The following TGFBR3 variants were observed in gnomAD, a reference collection of about 807,000 sequenced individuals.
TGFBR3 encodes the protein transforming growth factor beta receptor 3.
Under a neutral mutation model 87.9 loss-of-function variants are expected in TGFBR3, and 46 were observed. The ratio of observed to expected loss-of-function variants is 0.52; its 90% confidence interval spans 0.41 to 0.67. The LOEUF is 0.67. TGFBR3 is among the 30% of genes least tolerant of loss of function. The pLI is 0.00. For synonymous variants in TGFBR3, 381 were observed against 391.6 expected (o/e 0.97, Z 0.32); for missense variants, 866 against 1,041.9 (o/e 0.83, Z 2.32).
intron 1 of TGFBR3, among the ~76,000 whole-genome samples, chr1:91,885,272 G>T (rs1422118720): frequency 2.0e-5 from 3 of 150,672 alleles, no homozygotes; most frequent in African/African-American, 7.3e-5. Context: ...GATCAAGTCT[G>T]CAAGCAGATT....
chr1:91,692,790 T>C (rs1671310036), intron 16 of TGFBR3, among the ~76,000 whole-genome samples: 1 of 152,194 alleles, frequency 6.6e-6, no homozygotes, highest in African/African-American at 2.4e-5. Flanking sequence ...CTTTGTAGAG[T>C]AACACACATT....
chr1:91,725,744 T>C (rs1200455344), intron 7 of TGFBR3, among the ~76,000 whole-genome samples: 1 of 152,202 alleles, frequency 6.6e-6, no homozygotes, highest in African/African-American at 2.4e-5. Flanking sequence ...CAACATCTAC[T>C]AGGAGTAGTA....
In TGFBR3 at chr1:91,897,454, G is replaced by A. The variant is rs529377148; in HGVS notation, c.-114+2183C>T. Among the ~76,000 whole-genome samples, 15 of 152,264 alleles carry A rather than the reference G, an allele frequency of 9.9e-5. No homozygotes were observed. In the East Asian group the frequency reaches 2.9e-3, roughly 29 times the overall value. ...CAAGGCCTTTGTGTGGCACAGTTCT[G>A]GTGACAGCATATTTTCATTGTATAT... On this transcript the variant is annotated intron_variant, in intron 2 of 17. Transcript: ENST00000370399.
At chr1:91,752,871 T>G (rs559190575) in intron 4 of TGFBR3, among the ~76,000 whole-genome samples, 1 of 146,180 alleles carries the variant, frequency 6.8e-6, no homozygotes, top group Non-Finnish European at 1.5e-5. Flanking sequence ...AAAAAAAAAG[T>G]CAAAAATTAG....
chr1:91,733,662 T>C (rs1672852481), intron 5 of TGFBR3, among the ~76,000 whole-genome samples: 1 of 152,190 alleles, frequency 6.6e-6, no homozygotes, highest in Non-Finnish European at 1.5e-5. Flanking sequence ...CAGCCAGCTA[T>C]AACAAGGACC....
chr1:91,821,570 C>T (rs547907599), intron 2 of TGFBR3, among the ~76,000 whole-genome samples: 2 of 152,192 alleles, frequency 1.3e-5, no homozygotes, highest in Non-Finnish European at 2.9e-5. Context: ...AAGGAACAAT[C>T]TCAGTGTCTC....
rs11466566 is a variant in TGFBR3 at position 91,798,091 on chromosome 1, T to C, written c.62-620A>G. 8.5e-3 allele frequency among the ~76,000 whole-genome samples: 1,297 copies of C among 152,258 alleles called. 18 individuals are homozygous for C. Among genetic ancestry groups the C allele is most frequent in the African/African-American group, 0.029 (1,222 of 41,554 alleles). Reference sequence around the variant, plus strand: ...GCTGGTCATACTTGGTTCCTGCTTCTTCATTCCCTCTTCCTCTAATCAGTC... The same window carrying C: ...GCTGGTCATACTTGGTTCCTGCTTCCTCATTCCCTCTTCCTCTAATCAGTC... On this transcript the variant is annotated intron_variant, in intron 2 of 16. Transcript: ENST00000212355.
chr1:91,710,290 G>A (rs1671933501), intron 13 of TGFBR3, among the ~76,000 whole-genome samples: 2 of 152,108 alleles, frequency 1.3e-5, no homozygotes. Flanking sequence ...AAAGAGAAAA[G>A]CCTTTAACAA....
chr1:91,747,280 G>A (rs1472323974), intron 4 of TGFBR3, among the ~76,000 whole-genome samples: 1 of 152,214 alleles, frequency 6.6e-6, no homozygotes, highest in Non-Finnish European at 1.5e-5. Flanking sequence ...CTTAGGGCAA[G>A]CTTTCTACCA....
chr1:91,846,653 C>T (rs1156545191), intron 2 of TGFBR3, among the ~76,000 whole-genome samples: 1 of 151,862 alleles, frequency 6.6e-6, no homozygotes, highest in Non-Finnish European at 1.5e-5. Context: ...TAGTCCACAC[C>T]CCATCCTGTC....
chr1:91,799,249 T>A (rs1675507588), intron 2 of TGFBR3, among the ~76,000 whole-genome samples: 1 of 152,230 alleles, frequency 6.6e-6, no homozygotes, highest in Non-Finnish European at 1.5e-5. Context: ...AATAGCTATC[T>A]GGTCTGAAAT....
chr1:91,761,310 C>A (rs1455479497), intron 3 of TGFBR3, among the ~76,000 whole-genome samples: 4 of 152,152 alleles, frequency 2.6e-5, no homozygotes, highest in Non-Finnish European at 5.9e-5. Context: ...AGTGCTGAGG[C>A]CTGGCTCATA....
intron 4 of TGFBR3, among the ~76,000 whole-genome samples, chr1:91,743,109 T>A (rs4658112): frequency 6.6e-6 from 1 of 151,936 alleles, no homozygotes; most frequent in Non-Finnish European, 1.5e-5. Flanking sequence ...GAGTGAAGTG[T>A]ACAAGTCCCA....
chr1:91,793,923 A>G (rs1025565440), intron 3 of TGFBR3, among the ~76,000 whole-genome samples: 2 of 152,130 alleles, frequency 1.3e-5, no homozygotes, highest in African/African-American at 4.8e-5. Flanking sequence ...ATATCATGAC[A>G]TATCTACAAA....
At chr1:91,712,865 T>G (rs549571721) in intron 12 of TGFBR3, among the ~76,000 whole-genome samples, 1 of 152,358 alleles carries the variant, frequency 6.6e-6, no homozygotes, top group Admixed American at 6.5e-5. Context: ...ATTTTGCATT[T>G]AAAGTGGATT....
chr1:91,837,473 T>C (rs1394875691), intron 2 of TGFBR3, among the ~76,000 whole-genome samples: 2 of 152,114 alleles, frequency 1.3e-5, no homozygotes, highest in East Asian at 3.9e-4. Flanking sequence ...CTCAAACTCC[T>C]GACCTCATGA....
At chr1:91,899,952 C>T (rs944268839) in intron 1 of TGFBR3, among the ~76,000 whole-genome samples, 3 of 151,954 alleles carry the variant, frequency 2.0e-5, no homozygotes, top group Middle Eastern at 6.3e-3. Flanking sequence ...CATAGTGAGA[C>T]CTGTCTCTAA....
chr1:91,683,977 G>T, intron 16 of TGFBR3, 120 bp from the exon 17 acceptor site: 1 of 848,272 alleles, frequency 1.2e-6, no homozygotes, highest in Non-Finnish European at 1.9e-6. Context: ...AACCAGGGCA[G>T]AAGCAACTAG....
chr1:91,704,340 AAAAG>A (rs1553160634), intron 14 of TGFBR3, among the ~76,000 whole-genome samples: 7 of 150,552 alleles, frequency 4.6e-5, no homozygotes, highest in African/African-American at 4.9e-5. Flanking sequence ...AAAAAAAAAA[AAAAG>A]AAAGAAAGAA....
Sources: gnomAD v4.1 joint callset for allele counts (sites outside exome capture counted in the v4.1 genomes callset) on GRCh38, gnomAD v4.1.1 for gene constraint, MANE v1.5 for transcripts, NCBI Gene and HGNC (gene_info 2026-07-23, HGNC 2026-07-21) for gene names.